Variants in PTPN9 observed in about 807,000 individuals in gnomAD.
The protein encoded by PTPN9 is tyrosine-protein phosphatase non-receptor type 9.
Under a neutral mutation model 69.8 loss-of-function variants are expected in PTPN9, and 26 were observed. The ratio of observed to expected loss-of-function variants is 0.37; its 90% CI spans 0.27 to 0.52. The LOEUF (loss-of-function observed/expected upper bound fraction) is 0.52. Ranked by LOEUF, PTPN9 falls within the 20% of genes least tolerant of loss-of-function variation. PTPN9 has a pLI of 0.91. For missense variants in PTPN9, 549 were observed against 740.3 expected (o/e 0.74, Z 3.00); for synonymous variants, 274 against 272.5 (o/e 1.01, Z -0.05).
At chr15:75,565,464 T>C (rs1255045555) in intron 1 of PTPN9, among the ~76,000 whole-genome samples, 1 of 152,200 alleles carries the variant, frequency 6.6e-6, no homozygotes, top group Non-Finnish European at 1.5e-5. Flanking sequence ...GATAATTCTC[T>C]GCTGTAGGGA....
intron 3 of PTPN9, 32 bp downstream of exon 3, chr15:75,524,177 A>G (rs772898334): frequency 7.7e-7 from 1 of 1,307,090 alleles, no homozygotes; most frequent in Non-Finnish European, 1.1e-6. Flanking sequence ...GGAAGTAATA[A>G]GGCCCTACAA....
intron 1 of PTPN9, among the ~76,000 whole-genome samples, chr15:75,561,334 A>G (rs1263711898): frequency 6.6e-6 from 1 of 152,086 alleles, no homozygotes; most frequent in Non-Finnish European, 1.5e-5. Context: ...AAAATTACTT[A>G]AAAAAGAATT....
At chr15:75,561,710 T>TTTTATTTTATTG (rs2075104686) in intron 1 of PTPN9, among the ~76,000 whole-genome samples, 2 of 151,984 alleles carry the variant, frequency 1.3e-5, no homozygotes, top group South Asian at 4.2e-4. Context: ...TTATTTTATT[T>TTTTATTTTATTG]TTTATTACTT....
intron 1 of PTPN9, among the ~76,000 whole-genome samples, chr15:75,533,681 C>T (rs2074972174): frequency 6.6e-6 from 1 of 152,086 alleles, no homozygotes; most frequent in African/African-American, 2.4e-5. Context: ...GATAAAGATA[C>T]TAGAGAACCT....
At chr15:75,528,849 C>T (rs2074942547) in intron 1 of PTPN9, among the ~76,000 whole-genome samples, 1 of 152,036 alleles carries the variant, frequency 6.6e-6, no homozygotes, top group African/African-American at 2.4e-5. Context: ...TACAGGTGCA[C>T]ACCACCATGC....
intron 8 of PTPN9, 36 bp downstream of exon 8, chr15:75,490,172 C>T (rs1297431036): frequency 6.8e-7 from 1 of 1,460,772 alleles, no homozygotes; most frequent in Non-Finnish European, 9.6e-7. Context: ...TCTATTTCCC[C>T]CAGTGCACCT....
At chr15:75,561,884 T>C (rs1311496749) in intron 1 of PTPN9, among the ~76,000 whole-genome samples, 1 of 152,116 alleles carries the variant, frequency 6.6e-6, no homozygotes, top group Non-Finnish European at 1.5e-5. Flanking sequence ...TAATTTTGTA[T>C]GTTTAGTGAG....
intron 7 of PTPN9, among the ~76,000 whole-genome samples, chr15:75,495,103 A>G (rs558714528): frequency 6.6e-6 from 1 of 152,326 alleles, no homozygotes; most frequent in South Asian, 2.1e-4. Flanking sequence ...GTAATTGGAA[A>G]GGCATTGCCT....
Position 75,468,503 on chromosome 15 carries a change from A to G in PTPN9, c.*266T>C, listed in dbSNP as rs555847495. ...ACCTCGGGGACCCTAGCAAAAATCA[A>G]TAGCCACAATTTGGTTTTAATAAGG... On this transcript the variant is annotated 3_prime_UTR_variant, in exon 13 of 13. Coordinates refer to ENST00000618819, the MANE Select transcript of PTPN9 (RefSeq NM_002833.4). 47 of 337,582 alleles carry G rather than the reference A, an allele frequency of 1.4e-4. No homozygotes were observed. The highest frequency in any genetic ancestry group is 2.2e-4 in the Non-Finnish European group (41 of 183,252). 20.9% of individuals were successfully genotyped at this position (337,582 alleles called of 1,614,324 possible).
chr15:75,559,177 C>T (rs959954475), intron 1 of PTPN9, among the ~76,000 whole-genome samples: 2 of 151,418 alleles, frequency 1.3e-5, no homozygotes, highest in Non-Finnish European at 2.9e-5. Context: ...TCTGCCCGGC[C>T]GCCCCGTCTA....
chr15:75,564,370 A>G (rs1234825781), intron 1 of PTPN9, among the ~76,000 whole-genome samples: 1 of 151,998 alleles, frequency 6.6e-6, no homozygotes, highest in African/African-American at 2.4e-5. Context: ...TGAGGCGGGT[A>G]GATCAGGAGG....
At chr15:75,555,091 G>A (rs2075071370) in intron 1 of PTPN9, among the ~76,000 whole-genome samples, 1 of 152,184 alleles carries the variant, frequency 6.6e-6, no homozygotes, top group Admixed American at 6.5e-5. Context: ...TATCTCAAGA[G>A]ACTCTGCTCT....
At chr15:75,545,770 G>A (rs759056916) in intron 1 of PTPN9, among the ~76,000 whole-genome samples, 8 of 152,156 alleles carry the variant, frequency 5.3e-5, no homozygotes, top group Non-Finnish European at 1.0e-4. Context: ...CCAACATGGC[G>A]AAACCCCGTC....
Position 75,466,602 on chromosome 15 carries a change from T to G in PTPN9, c.*2167A>C, listed in dbSNP as rs901786677. ...CCTGTCACCCTTCGCGTCTACTACA[T>G]GAAGCATGGGCACAAGAACAACAAC... On this transcript the variant is annotated 3_prime_UTR_variant, in exon 13 of 13. Transcript: ENST00000618819. The G allele has an allele frequency of 6.6e-6, 1 of 152,284 alleles. No individual in the cohort carries two copies. Among genetic ancestry groups the G allele is most frequent in the Admixed American group, 6.5e-5 (1 of 15,286 alleles). The allele number at this position is 152,284 out of a possible 1,614,324, so 9.4% of individuals were successfully genotyped here. A position where few individuals can be genotyped will look rare whatever the true frequency, so the allele number is the denominator to read the frequency against.
chr15:75,494,407 C>T (rs1451261331), intron 7 of PTPN9, among the ~76,000 whole-genome samples: 1 of 151,990 alleles, frequency 6.6e-6, no homozygotes, highest in Non-Finnish European at 1.5e-5. Flanking sequence ...GACTGGAGTG[C>T]AGTGGCACAA....
intron 1 of PTPN9, among the ~76,000 whole-genome samples, chr15:75,559,739 C>G (rs1193502889): frequency 7.1e-6 from 1 of 141,588 alleles, no homozygotes; most frequent in Non-Finnish European, 1.5e-5. Context: ...CCAAATCCCC[C>G]TCTGCGAGAA....
intron 4 of PTPN9, among the ~76,000 whole-genome samples, chr15:75,520,000 C>T (rs2074894235): frequency 6.6e-6 from 1 of 152,070 alleles, no homozygotes; most frequent in African/African-American, 2.4e-5. Flanking sequence ...TTTATTAGTA[C>T]GTGCCTGTGG....
intron 7 of PTPN9, among the ~76,000 whole-genome samples, chr15:75,500,851 T>G (rs2074768802): frequency 6.6e-6 from 1 of 151,860 alleles, no homozygotes; most frequent in Admixed American, 6.6e-5. Context: ...CATGCCACTA[T>G]GCGCCAGTCT....
At chr15:75,568,632 C>T (rs1292211081) in intron 1 of PTPN9, among the ~76,000 whole-genome samples, 1 of 150,548 alleles carries the variant, frequency 6.6e-6, no homozygotes, top group Non-Finnish European at 1.5e-5. Flanking sequence ...CACAAGAGTT[C>T]GGGACCAGCC....
Sources: allele counts gnomAD v4.1 joint callset (sites outside exome capture counted in the v4.1 genomes callset), GRCh38; gene constraint gnomAD v4.1.1; transcripts MANE v1.5; gene names NCBI Gene and HGNC (gene_info 2026-07-23, HGNC 2026-07-21).